The following PRKCA variants were observed in gnomAD, a reference collection of about 807,000 sequenced individuals.
The protein encoded by PRKCA is protein kinase C alpha.
PRKCA carries 27 observed loss-of-function variants against 87.0 expected under a neutral mutation model. The ratio of observed to expected loss-of-function variants is 0.31; its 90% CI spans 0.23 to 0.43. The LOEUF (loss-of-function observed/expected upper bound fraction) is 0.43. Among genes scored for constraint, PRKCA ranks in the 20% least tolerant of loss-of-function variants. PRKCA has a pLI of 1.00. For missense variants in PRKCA, 518 were observed against 852.3 expected (o/e 0.61, Z 4.88); for synonymous variants, 329 against 311.1 (o/e 1.06, Z -0.61).
At chr17:66,796,968 T>A in intron 16 of PRKCA, 1 of 985,388 alleles carries the variant, frequency 1.0e-6, no homozygotes, top group Non-Finnish European at 1.2e-6. Context: ...TCTGCATCTT[T>A]CCTCTTCTTC....
chr17:66,322,234 G>T (rs1042813397), intron 2 of PRKCA, among the ~76,000 whole-genome samples: 2 of 152,138 alleles, frequency 1.3e-5, no homozygotes, highest in Non-Finnish European at 2.9e-5. Context: ...CAGAGATCTG[G>T]AAAAGCATCT....
At chr17:66,500,041 C>T (rs1457020385) in intron 3 of PRKCA, among the ~76,000 whole-genome samples, 1 of 152,112 alleles carries the variant, frequency 6.6e-6, no homozygotes, top group Non-Finnish European at 1.5e-5. Context: ...GAGGTGGAGC[C>T]TTCCTGAATG....
rs147192016 is a variant in PRKCA, at chr17:66,622,856, G to T, written c.289-18499G>T. On this transcript the variant is annotated intron_variant, in intron 3 of 16. Coordinates refer to ENST00000413366, the MANE Select transcript of PRKCA (RefSeq NM_002737.3). ...ACTTACTACTACAAGAACAGTACGG[G>T]GGAACCGCCCCCATGATTCAATCAT... is the stretch of plus-strand genomic sequence containing the variant. 7.1e-4 allele frequency among the ~76,000 whole-genome samples: 108 copies of T among 152,274 alleles called. No individual in the cohort carries two copies. The East Asian group carries it at 0.017, about 24-fold the overall frequency.
intron 16 of PRKCA, among the ~76,000 whole-genome samples, chr17:66,790,561 A>T (rs1202110039): frequency 6.6e-6 from 1 of 151,992 alleles, no homozygotes; most frequent in East Asian, 1.9e-4. Flanking sequence ...TTTAATATTT[A>T]TTTGTTGTCT....
chr17:66,700,655 A>G (rs903719172), intron 8 of PRKCA, among the ~76,000 whole-genome samples: 2 of 152,250 alleles, frequency 1.3e-5, no homozygotes, highest in African/African-American at 4.8e-5. Flanking sequence ...TATGCTAACA[A>G]TGAACTATTC....
At chr17:66,506,169 G>A (rs1014086438) in intron 3 of PRKCA, among the ~76,000 whole-genome samples, 2 of 152,048 alleles carry the variant, frequency 1.3e-5, no homozygotes, top group Non-Finnish European at 1.5e-5. Flanking sequence ...GGTGGTGTGT[G>A]CCTGTTCTCC....
rs1263756684 is a variant in PRKCA, at chr17:66,396,055, TG to T, written c.205+89929del. ...AGCATTATTTCAATATGGGTTTAACTGTTTTTTTTTTTTAATTGAATATTGT... is the reference window on the plus strand; with the variant it reads ...AGCATTATTTCAATATGGGTTTAACTTTTTTTTTTTTTAATTGAATATTGT... On this transcript the variant is annotated intron_variant, in intron 2 of 16. Coordinates refer to ENST00000413366, the MANE Select transcript of PRKCA (RefSeq NM_002737.3). Among the ~76,000 whole-genome samples, 275 of 50,942 alleles carry T rather than the reference TG, an allele frequency of 5.4e-3. 1 individual carries two copies. The highest frequency in any genetic ancestry group is 0.012 in the African/African-American group (256 of 22,052). 33.4% of individuals were successfully genotyped at this position (50,942 alleles called of 152,430 possible).
chr17:66,778,186 A>AT, intron 14 of PRKCA: 1 of 985,356 alleles, frequency 1.0e-6, no homozygotes, highest in African/African-American at 1.7e-5. Context: ...AGCCTGCCTT[A>AT]TATGCATACT....
chr17:66,518,738 C>T (rs1967056136), intron 3 of PRKCA, among the ~76,000 whole-genome samples: 6 of 152,054 alleles, frequency 3.9e-5, no homozygotes, highest in Admixed American at 3.9e-4. Context: ...AATCTAATGC[C>T]CAGAAAATTT....
chr17:66,803,759 T>G lies in PRKCA; in HGVS notation c.1855-114T>G, dbSNP rs1353492703. 1 of 1,436,614 alleles carries G rather than the reference T, an allele frequency of 7.0e-7. No individual in the cohort carries two copies. The highest frequency in any genetic ancestry group is 1.4e-5 in the African/African-American group (1 of 69,602). The allele number at this position is 1,436,614 out of a possible 1,614,324, so 89.0% of individuals were successfully genotyped here. A position where few individuals can be genotyped will look rare whatever the true frequency, so the allele number is the denominator to read the frequency against. On this transcript the variant is annotated intron_variant, in intron 16 of 16. Coordinates refer to ENST00000413366, the MANE Select transcript of PRKCA (RefSeq NM_002737.3). This position sits in a 1 kb window ranked among gnomAD's most constrained non-coding sequence, Gnocchi z 4.4. ...GCAAGTCCTCCGAGATTCCTCCTCC[T>G]AACCAGCCCGGAGTTCCCCAGGGCC...
At chr17:66,341,839 T>C (rs1432482943) in intron 2 of PRKCA, among the ~76,000 whole-genome samples, 4 of 152,230 alleles carry the variant, frequency 2.6e-5, no homozygotes, top group African/African-American at 4.8e-5. Flanking sequence ...TATATCCTTA[T>C]ACCTTTGCAG....
In PRKCA at chr17:66,541,599, C is replaced by T. The variant is rs74982696; in HGVS notation, c.288+45316C>T. Among the ~76,000 whole-genome samples, 272 of 152,272 alleles carry T rather than the reference C, an allele frequency of 1.8e-3. 6 individuals carry two copies. The East Asian group carries it at 0.043, about 24-fold the overall frequency. Reference sequence around the variant, plus strand: ...TGCAGTTCTGCAGGCAGGAATTGCACGTGCAAAGCAGAGCTGACGTCCAGT... The same window carrying T: ...TGCAGTTCTGCAGGCAGGAATTGCATGTGCAAAGCAGAGCTGACGTCCAGT... On this transcript the variant is annotated intron_variant, in intron 3 of 16. Coordinates refer to ENST00000413366, the MANE Select transcript of PRKCA (RefSeq NM_002737.3).
chr17:66,441,119 G>A (rs553569770), intron 2 of PRKCA, among the ~76,000 whole-genome samples: 31 of 149,144 alleles, frequency 2.1e-4, no homozygotes, highest in South Asian at 8.6e-4. Context: ...CCCAGATCGC[G>A]GCACTGCACT....
intron 2 of PRKCA, among the ~76,000 whole-genome samples, chr17:66,399,346 G>T (rs28702503): frequency 6.6e-6 from 1 of 152,180 alleles, no homozygotes; most frequent in South Asian, 2.1e-4. Flanking sequence ...TTCTCAGAGT[G>T]CTGGGATTAC....
rs190651273 is a variant in PRKCA at position 66,562,544 on chromosome 17, A to G, written c.288+66261A>G. Among the ~76,000 whole-genome samples the G allele has an allele frequency of 6.4e-3, 969 of 151,798 alleles. 33 individuals are homozygous for G. Among genetic ancestry groups the G allele is most frequent in the Admixed American group, 0.056 (846 of 15,232 alleles). ...GTGGTCCATCCTACCAGCTGGGGTT[A>G]TCTGATATTCCAGTGTATGTGAAAA... On this transcript the variant is annotated intron_variant, in intron 3 of 16. Transcript: ENST00000413366.
rs550644667 is a variant in PRKCA, at chr17:66,485,259, C to G, written c.206-10942C>G. On this transcript the variant is annotated intron_variant, in intron 2 of 16. Transcript: ENST00000413366. ...AACCTTGCATAGAAAGATACAGAGA[C>G]ATGCTCAGAAAAATACACCACATTT... Among the ~76,000 whole-genome samples the G allele has an allele frequency of 4.6e-5, 7 of 152,320 alleles. 1 individual carries two copies. The Middle Eastern group carries it at 0.014, about 296-fold the overall frequency.
At chr17:66,516,983 T>C (rs1966988218) in intron 3 of PRKCA, among the ~76,000 whole-genome samples, 1 of 152,154 alleles carries the variant, frequency 6.6e-6, no homozygotes, top group African/African-American at 2.4e-5. Flanking sequence ...CTGGCTAATT[T>C]GTACTCTTTC....
chr17:66,501,619 A>G (rs116187), intron 3 of PRKCA, among the ~76,000 whole-genome samples: 102,723 of 152,074 alleles, frequency 0.68, 34,938 homozygotes, highest in Middle Eastern at 0.78. Flanking sequence ...GGCACTTTGA[A>G]TTGGTGCAGG....
chr17:66,789,977 A>C (rs553516868), intron 16 of PRKCA, among the ~76,000 whole-genome samples: 1 of 152,304 alleles, frequency 6.6e-6, no homozygotes, highest in East Asian at 1.9e-4. Flanking sequence ...CTCTGCCACC[A>C]TCTTGGCCAG....
Sources: allele counts gnomAD v4.1 joint callset (sites outside exome capture counted in the v4.1 genomes callset), GRCh38; gene constraint gnomAD v4.1.1; non-coding constraint Gnocchi (gnomAD v3.1); transcripts MANE v1.5; gene names NCBI Gene and HGNC (gene_info 2026-07-23, HGNC 2026-07-21).